EXT1: variants seen among roughly 807,000 people sequenced by gnomAD.
EXT1 encodes exostosin-1.
Under a neutral mutation model 82.5 loss-of-function variants are expected in EXT1, and 20 were observed. The observed-to-expected ratio is 0.24, with a 90% CI of 0.17 to 0.35. The LOEUF (loss-of-function observed/expected upper bound fraction) is 0.35, where lower values mean the gene tolerates loss of function less well. Ranked by LOEUF, EXT1 falls within the 10% of genes least tolerant of loss-of-function variation. The probability of loss-of-function intolerance (pLI) is 1.00; values close to 1 mark genes in which losing one functional copy is unlikely to be tolerated. For missense variants in EXT1, 757 were observed against 936.5 expected, an observed-to-expected ratio of 0.81 and a Z score of 2.50; for synonymous variants, 348 against 350.8, an observed-to-expected ratio of 0.99 and a Z score of 0.09.
chr8:117,821,844 T>C (rs1811929716), intron 5 of EXT1, among the ~76,000 whole-genome samples: 1 of 152,172 alleles, frequency 6.6e-6, no homozygotes, highest in African/African-American at 2.4e-5. Flanking sequence ...TCTAAGGCAA[T>C]AACAGTAGCC....
chr8:118,106,701 A>C (rs1208971288), intron 1 of EXT1, among the ~76,000 whole-genome samples: 10 of 152,178 alleles, frequency 6.6e-5, no homozygotes, highest in African/African-American at 1.9e-4. Context: ...TGCCCTTTGT[A>C]GGGATGTGAA....
chr8:117,866,143 T>A (rs930411742), intron 1 of EXT1, among the ~76,000 whole-genome samples: 9 of 152,172 alleles, frequency 5.9e-5, no homozygotes, highest in African/African-American at 2.2e-4. Context: ...GAGAATCGCT[T>A]GAACCCGGGA....
chr8:117,992,819 C>T (rs1815463204), intron 1 of EXT1, among the ~76,000 whole-genome samples: 1 of 152,234 alleles, frequency 6.6e-6, no homozygotes, highest in Non-Finnish European at 1.5e-5. Context: ...GAACAGACAG[C>T]TGTAGACCCT....
chr8:117,885,544 GAC>G lies in EXT1; in HGVS notation c.963-48345_963-48344del, dbSNP rs917179652. On this transcript the variant is annotated intron_variant, in intron 1 of 10. Coordinates refer to ENST00000378204, the MANE Select transcript of EXT1 (RefSeq NM_000127.3). ...AAGAAATCTAGAATGTCATCTTTGA[GAC>G]ACAGTGATGAAGACACATGTCAGTG... is the stretch of plus-strand genomic sequence containing the variant. Among the ~76,000 whole-genome samples, 6 of 148,314 alleles carry G rather than the reference GAC, an allele frequency of 4.0e-5. No individual in the cohort carries two copies. The East Asian group carries it at 6.0e-4, about 15-fold the overall frequency.
At chr8:118,058,765 T>C (rs1342103204) in intron 1 of EXT1, among the ~76,000 whole-genome samples, 1 of 152,200 alleles carries the variant, frequency 6.6e-6, no homozygotes, top group Non-Finnish European at 1.5e-5. Context: ...ATGATAGGTA[T>C]AGATCTACAG....
At chr8:117,849,208 T>C (rs1812415133) in intron 1 of EXT1, among the ~76,000 whole-genome samples, 1 of 152,244 alleles carries the variant, frequency 6.6e-6, no homozygotes, top group Non-Finnish European at 1.5e-5. Flanking sequence ...CCTGGCACTC[T>C]CTTTCTGTTG....
intron 1 of EXT1, among the ~76,000 whole-genome samples, chr8:117,966,270 G>A (rs1330572615): frequency 6.6e-6 from 1 of 152,156 alleles, no homozygotes; most frequent in African/African-American, 2.4e-5. Flanking sequence ...ATCTCTGTGT[G>A]TATTACGACA....
intron 1 of EXT1, among the ~76,000 whole-genome samples, chr8:117,926,744 A>C (rs1315621986): frequency 6.6e-6 from 1 of 152,170 alleles, no homozygotes; most frequent in Non-Finnish European, 1.5e-5. Context: ...AAAGATTCAG[A>C]CCCAACAAAA....
At chr8:117,957,238 C>T (rs1004387216) in intron 1 of EXT1, among the ~76,000 whole-genome samples, 1 of 152,174 alleles carries the variant, frequency 6.6e-6, no homozygotes, top group Non-Finnish European at 1.5e-5. Context: ...TACATCACCC[C>T]CTTATTGCTG....
intron 4 of EXT1, among the ~76,000 whole-genome samples, chr8:117,826,812 A>T (rs1204628409): frequency 6.6e-6 from 1 of 152,220 alleles, no homozygotes; most frequent in Non-Finnish European, 1.5e-5. Context: ...TTGCTAAAAA[A>T]AAATAATAAT....
At chr8:117,938,691 A>C (rs1226834909) in intron 1 of EXT1, among the ~76,000 whole-genome samples, 1 of 152,224 alleles carries the variant, frequency 6.6e-6, no homozygotes, top group Non-Finnish European at 1.5e-5. Flanking sequence ...GAGGATGAGC[A>C]GTTATTTTTC....
In EXT1 at chr8:117,976,193, C is replaced by T. The variant is rs1239420963; in HGVS notation, c.962+133892G>A. 2.0e-5 allele frequency among the ~76,000 whole-genome samples: 3 copies of T among 152,308 alleles called. 1 individual carries two copies. The South Asian group carries it at 6.2e-4, about 32-fold the overall frequency. On this transcript the variant is annotated intron_variant, in intron 1 of 10. Transcript: ENST00000378204. ...GAAAAGCTTACTATGAAGCACAATT[C>T]TCAGTATGTAAATCTATTATCTTGC...
intron 1 of EXT1, among the ~76,000 whole-genome samples, chr8:117,998,025 T>G (rs1239046268): frequency 6.6e-6 from 1 of 151,284 alleles, no homozygotes; most frequent in Non-Finnish European, 1.5e-5. Flanking sequence ...CTTTTTTTTT[T>G]TTTTTTTGAG....
At chr8:118,062,818 T>C (rs1187397388) in intron 1 of EXT1, among the ~76,000 whole-genome samples, 1 of 152,210 alleles carries the variant, frequency 6.6e-6, no homozygotes, top group African/African-American at 2.4e-5. Flanking sequence ...GGAAACTGCA[T>C]GCTAGACTAG....
chr8:117,979,590 C>T (rs1382534969), intron 1 of EXT1, among the ~76,000 whole-genome samples: 1 of 151,698 alleles, frequency 6.6e-6, no homozygotes, highest in Non-Finnish European at 1.5e-5. Flanking sequence ...TAGACAGTTA[C>T]AAAAGAAAAG....
At position 118,049,046 on chromosome 8, in the gene EXT1, G is replaced by A. The variant is rs148399949; in HGVS notation, c.962+61039C>T. On this transcript the variant is annotated intron_variant, in intron 1 of 10. Transcript: ENST00000378204. ...TCCCAAATTGTAAAAGGTTTGAAAT[G>A]ACACTCCCACATCCATTTACAGCCA... 4.2e-3 allele frequency among the ~76,000 whole-genome samples: 644 copies of A among 152,202 alleles called. 4 individuals are homozygous for A. Among genetic ancestry groups the A allele is most frequent in the African/African-American group, 0.014 (595 of 41,532 alleles).
intron 1 of EXT1, among the ~76,000 whole-genome samples, chr8:117,903,283 A>C (rs911082558): frequency 2.6e-5 from 4 of 152,250 alleles, no homozygotes; most frequent in Admixed American, 2.0e-4. Context: ...TTTAAGGAAA[A>C]GAACAGGGAG....
chr8:117,872,389 T>C (rs921804900), intron 1 of EXT1, among the ~76,000 whole-genome samples: 4 of 151,988 alleles, frequency 2.6e-5, no homozygotes, highest in Non-Finnish European at 5.9e-5. Context: ...TTTACTGAAC[T>C]TGTGGATTAA....
intron 1 of EXT1, among the ~76,000 whole-genome samples, chr8:117,946,200 A>G (rs1342693038): frequency 6.6e-6 from 1 of 152,178 alleles, no homozygotes; most frequent in East Asian, 1.9e-4. Context: ...CGCCTGGCCT[A>G]GATTACTGTA....
Sources: allele counts gnomAD v4.1 joint callset (sites outside exome capture counted in the v4.1 genomes callset), GRCh38; gene constraint gnomAD v4.1.1; transcripts MANE v1.5; gene names NCBI Gene and HGNC (gene_info 2026-07-23, HGNC 2026-07-21).